TXNDC5: variants seen among roughly 807,000 people sequenced by gnomAD.
TXNDC5 encodes the protein thioredoxin domain-containing protein 5.
Under a neutral mutation model 52.6 loss-of-function variants are expected in TXNDC5, and 44 were observed. That is an observed-to-expected ratio of 0.84 (90% confidence interval 0.66 to 1.08). TXNDC5 has a LOEUF of 1.08. Ranked by LOEUF, TXNDC5 falls within the 50% of genes least tolerant of loss-of-function variation. The pLI, the probability that TXNDC5 is intolerant of heterozygous loss-of-function variation, is 0.00. For synonymous variants in TXNDC5, 241 were observed against 234.4 expected (o/e 1.03, Z -0.26); for missense variants, 600 against 565.5 (o/e 1.06, Z -0.62).
chr6:7,886,282 T>C (rs1477018629), intron 7 of TXNDC5, among the ~76,000 whole-genome samples: 1 of 152,024 alleles, frequency 6.6e-6, no homozygotes, highest in African/African-American at 2.4e-5. Context: ...CTGGGAGATG[T>C]GGTGAGGAGG....
chr6:7,907,396 G>A (rs919758308), intron 1 of TXNDC5, among the ~76,000 whole-genome samples: 6 of 152,136 alleles, frequency 3.9e-5, no homozygotes, highest in South Asian at 2.1e-4. Context: ...CCAAGAAGTA[G>A]AGCAAAGCTA....
chr6:7,903,715 T>C (rs979164628), intron 2 of TXNDC5, among the ~76,000 whole-genome samples: 3 of 152,254 alleles, frequency 2.0e-5, no homozygotes, highest in Admixed American at 6.5e-5. Context: ...CATTCCTCAA[T>C]TGAAACAAAC....
chr6:7,896,825 C>G (rs560989828), intron 3 of TXNDC5, among the ~76,000 whole-genome samples: 2 of 152,198 alleles, frequency 1.3e-5, no homozygotes, highest in African/African-American at 4.8e-5. Context: ...AGCAGTCCCC[C>G]GGCATGGGAA....
At chr6:7,903,698 T>C (rs1760643245) in intron 2 of TXNDC5, among the ~76,000 whole-genome samples, 1 of 152,238 alleles carries the variant, frequency 6.6e-6, no homozygotes. Flanking sequence ...TTGTATAGAA[T>C]TGACTTCATT....
intron 7 of TXNDC5, among the ~76,000 whole-genome samples, chr6:7,888,413 C>A (rs766771416): frequency 2.0e-5 from 3 of 152,042 alleles, no homozygotes; most frequent in African/African-American, 4.8e-5. Context: ...ATGAATGAAG[C>A]GGAAAGGAAG....
At position 7,888,782 on chromosome 6, in the gene TXNDC5, G is replaced by A. The variant is rs766483241; in HGVS notation, c.886C>T (p.Arg296Cys). The stretch of plus-strand genomic sequence containing the variant: ...GTCTCCGTCGCTCCAGTCTCTGTGC[G>A]CTGCAGCTGCGACTCCACGTACTCC... ...LREYVESQLQ[R>C]TETGATETVT... The change falls in exon 7 of 10, where the codon CGC becomes TGC. Residue 296 changes from arginine (R) to cysteine (C), a missense_variant. By Grantham distance (180) the Arg-to-Cys change is radical. Coordinates refer to ENST00000379757, the MANE Select transcript of TXNDC5 (RefSeq NM_030810.5). The A allele has an allele frequency of 5.0e-6, 8 of 1,613,980 alleles. No individual in the cohort carries two copies. The highest frequency in any genetic ancestry group is 2.7e-5 in the African/African-American group (2 of 74,928).
chr6:7,892,328 C>T (rs770155122), intron 4 of TXNDC5, among the ~76,000 whole-genome samples: 51 of 152,240 alleles, frequency 3.3e-4, no homozygotes, highest in South Asian at 2.1e-4. Context: ...GACCACACTA[C>T]GGGGACACAA....
intron 3 of TXNDC5, among the ~76,000 whole-genome samples, chr6:7,899,336 C>G (rs368074): frequency 0.31 from 46,935 of 152,058 alleles, 7,963 homozygotes; most frequent in East Asian, 0.65. Flanking sequence ...TGCTGAAACT[C>G]AGGGTTTAGC....
rs1407902927 is a variant in TXNDC5 at position 7,882,371 on chromosome 6, T to C, written c.*773A>G. On this transcript the variant is annotated 3_prime_UTR_variant, in exon 10 of 10. Transcript: ENST00000379757. ...ATGCCTACCCTTTCTAAGGAAGACA[T>C]CCAACAGTTCATGTGGGCTCTGGCT... is the stretch of plus-strand genomic sequence containing the variant. 6.6e-6 allele frequency: 1 copy of C among 152,092 alleles called. No individual in the cohort carries two copies. The highest frequency in any genetic ancestry group is 1.5e-5 in the Non-Finnish European group (1 of 68,026). 9.4% of individuals were successfully genotyped at this position (152,092 alleles called of 1,614,324 possible).
chr6:7,907,754 C>G (rs1198050765), intron 1 of TXNDC5, among the ~76,000 whole-genome samples: 1 of 152,214 alleles, frequency 6.6e-6, no homozygotes, highest in Non-Finnish European at 1.5e-5. Flanking sequence ...CCACCTTGCT[C>G]TCAGCCTTAC....
rs1760150664 is a variant in TXNDC5, at chr6:7,890,426, C to G, written c.733-845G>C. On this transcript the variant is annotated intron_variant, in intron 5 of 9. Coordinates refer to ENST00000379757, the MANE Select transcript of TXNDC5 (RefSeq NM_030810.5). ...AGCATTTTTAAGGGTCCAGTGTAAC[C>G]CAGCCACATGTGCCAGGGATGAAGG... Among the ~76,000 whole-genome samples the G allele has an allele frequency of 2.0e-5, 3 of 152,114 alleles. 1 individual carries two copies. The South Asian group carries it at 6.2e-4, about 32-fold the overall frequency.
chr6:7,901,122 G>A (rs1010549490), intron 2 of TXNDC5, among the ~76,000 whole-genome samples: 6 of 152,122 alleles, frequency 3.9e-5, no homozygotes, highest in Admixed American at 3.9e-4. Flanking sequence ...TTCCTCAGCA[G>A]CTCAGACTCT....
At chr6:7,889,373 C>G (rs1413686473) in intron 6 of TXNDC5, 122 bp downstream of exon 6, 3 of 789,526 alleles carry the variant, frequency 3.8e-6, no homozygotes, top group Non-Finnish European at 6.1e-6. Context: ...ATACACATTT[C>G]TCCAAACCAG....
chr6:7,904,745 A>G (rs1760681740), intron 1 of TXNDC5, 22 bp from the exon 2 acceptor site: 1 of 1,614,032 alleles, frequency 6.2e-7, no homozygotes, highest in African/African-American at 1.3e-5. Context: ...CAAGAGTACA[A>G]GCACATTGAG....
intron 4 of TXNDC5, among the ~76,000 whole-genome samples, chr6:7,893,579 G>A (rs1242077153): frequency 6.6e-6 from 1 of 151,394 alleles, no homozygotes; most frequent in Non-Finnish European, 1.5e-5. Context: ...TCCGTAACAG[G>A]TGATTTGGGA....
intron 8 of TXNDC5, among the ~76,000 whole-genome samples, chr6:7,885,257 T>A (rs1759925115): frequency 6.6e-6 from 1 of 152,250 alleles, no homozygotes; most frequent in Non-Finnish European, 1.5e-5. Flanking sequence ...AACAATCTAC[T>A]GTTGTCCTAA....
rs1291018142 is a variant in TXNDC5, at chr6:7,882,487, CAT to C, written c.*655_*656del. On this transcript the variant is annotated 3_prime_UTR_variant, in exon 10 of 10. Transcript: ENST00000379757. The stretch of plus-strand genomic sequence containing the variant: ...GTAACTGATTTGACAAGTATCGACA[CAT>C]AAAGTTATGGCATCAGCATTCTCTT... 6.6e-6 allele frequency: 1 copy of C among 152,310 alleles called. No homozygotes were observed. The highest frequency in any genetic ancestry group is 1.5e-5 in the Non-Finnish European group (1 of 68,130). 9.4% of individuals were successfully genotyped at this position (152,310 alleles called of 1,614,324 possible). A position where few individuals can be genotyped will look rare whatever the true frequency, so the allele number is the denominator to read the frequency against.
rs144747994 is a variant in TXNDC5, at chr6:7,897,853, A to T, written c.519+1723T>A. 5.1e-3 allele frequency among the ~76,000 whole-genome samples: 776 copies of T among 152,356 alleles called. 5 individuals are homozygous for T. Among genetic ancestry groups the T allele is most frequent in the African/African-American group, 0.018 (730 of 41,566 alleles). ...TAAAATTGGTTTGCTACCATCCAAT[A>T]TATGTGTCCCCACAAAGAGAATATT... On this transcript the variant is annotated intron_variant, in intron 3 of 9. Transcript: ENST00000379757.
intron 4 of TXNDC5, among the ~76,000 whole-genome samples, chr6:7,893,952 A>G (rs1561810233): frequency 6.6e-6 from 1 of 152,212 alleles, no homozygotes; most frequent in Non-Finnish European, 1.5e-5. Context: ...AAACACATCT[A>G]TGTGTGAATA....
Sources: allele counts gnomAD v4.1 joint callset (sites outside exome capture counted in the v4.1 genomes callset), GRCh38; gene constraint gnomAD v4.1.1; transcripts MANE v1.5; gene names NCBI Gene and HGNC (gene_info 2026-07-23, HGNC 2026-07-21).